The following USP32 variants were observed in gnomAD, a reference collection of about 807,000 sequenced individuals.
The protein encoded by USP32 is ubiquitin specific peptidase 32.
A neutral mutation model predicts 204.8 loss-of-function variants in USP32; 59 were observed. The ratio of observed to expected loss-of-function variants is 0.29; its 90% CI spans 0.23 to 0.36. USP32 has a LOEUF of 0.36. Ranked by LOEUF, USP32 falls within the 10% of genes least tolerant of loss-of-function variation. The pLI is 1.00. For missense variants in USP32, 1,160 were observed against 1,946.4 expected (o/e 0.60, Z 7.60); for synonymous variants, 517 against 678.4 (o/e 0.76, Z 3.70).
At chr17:60,323,684 C>G (rs2088165260) in intron 2 of USP32, among the ~76,000 whole-genome samples, 1 of 152,144 alleles carries the variant, frequency 6.6e-6, no homozygotes, top group Non-Finnish European at 1.5e-5. Context: ...GTGTATGTAA[C>G]AAAGTTGGTT....
chr17:60,404,166 T>A (rs1003153568), intron 1 of USP32, among the ~76,000 whole-genome samples: 1 of 152,178 alleles, frequency 6.6e-6, no homozygotes, highest in Non-Finnish European at 1.5e-5. Flanking sequence ...AATGATGGAA[T>A]GTAGCAGAAG....
chr17:60,275,183 G>A (rs368391857), intron 5 of USP32, among the ~76,000 whole-genome samples: 5 of 152,150 alleles, frequency 3.3e-5, no homozygotes, highest in Non-Finnish European at 7.4e-5. Flanking sequence ...TTGGCCGGGC[G>A]CGGTGGCTCA....
upstream of USP32, among the ~76,000 whole-genome samples, chr17:60,395,869 T>G (rs1301866817): frequency 6.6e-6 from 1 of 152,074 alleles, no homozygotes; most frequent in Admixed American, 6.6e-5. Context: ...CAAAGAACCT[T>G]AGGTAAGCTA....
In USP32 at chr17:60,213,567, C is replaced by T. The variant is rs1408495954; in HGVS notation, c.2104+14G>A. The T allele has an allele frequency of 2.6e-6, 3 of 1,145,428 alleles. No individual in the cohort carries two copies. Among genetic ancestry groups the T allele is most frequent in the South Asian group, 1.6e-5 (1 of 62,360 alleles). 71.0% of individuals were successfully genotyped at this position (1,145,428 alleles called of 1,614,324 possible). ...CTTGAAAATTTAATATAGATGCATGCTTCCATCTTGTACCTTCAATTACCA... is the reference window on the plus strand; with the variant it reads ...CTTGAAAATTTAATATAGATGCATGTTTCCATCTTGTACCTTCAATTACCA... On this transcript the variant is annotated intron_variant, in intron 18 of 33. Coordinates refer to ENST00000300896, the MANE Select transcript of USP32 (RefSeq NM_032582.4).
intron 8 of USP32, 116 bp from the exon 9 acceptor site, chr17:60,265,590 G>A: frequency 1.5e-6 from 1 of 677,976 alleles, no homozygotes; most frequent in Non-Finnish European, 2.5e-6. Context: ...TAGAGATGGG[G>A]TCTCCTTACG....
Position 60,253,172 on chromosome 17 carries a change from CAA to C in USP32, c.1075-732_1075-731del, listed in dbSNP as rs367932403. Among the ~76,000 whole-genome samples the C allele has an allele frequency of 1.3e-3, 200 of 152,112 alleles. 1 individual carries two copies. The highest frequency in any genetic ancestry group is 4.5e-3 in the African/African-American group (187 of 41,520). On this transcript the variant is annotated intron_variant, in intron 10 of 33. Coordinates refer to ENST00000300896, the MANE Select transcript of USP32 (RefSeq NM_032582.4). The stretch of plus-strand genomic sequence containing the variant: ...AATGACAAAATAGGAAAGGCAATAC[CAA>C]AAGTCAAAATGCTATACTCTGTGAG...
intron 6 of USP32, among the ~76,000 whole-genome samples, chr17:60,270,354 A>G (rs565055658): frequency 2.2e-4 from 33 of 152,310 alleles, no homozygotes; most frequent in Admixed American, 2.2e-3. Flanking sequence ...TATTCCCAGA[A>G]TCTAACGCAG....
intron 1 of USP32, among the ~76,000 whole-genome samples, chr17:60,375,501 A>G (rs181491206): frequency 6.6e-6 from 1 of 152,360 alleles, no homozygotes; most frequent in East Asian, 1.9e-4. Context: ...AATTTTCACT[A>G]TAAAACCAAA....
intron 7 of USP32, among the ~76,000 whole-genome samples, chr17:60,267,326 C>T (rs907033144): frequency 1.3e-5 from 2 of 151,862 alleles, no homozygotes; most frequent in African/African-American, 4.8e-5. Flanking sequence ...ATTGCTTGAA[C>T]CCGGGAGGCG....
chr17:60,215,603 T>C (rs2145533566), intron 16 of USP32, among the ~76,000 whole-genome samples: 1 of 152,072 alleles, frequency 6.6e-6, no homozygotes, highest in East Asian at 1.9e-4. Context: ...ACTAATCCCA[T>C]CACTTTCAGT....
chr17:60,241,550 C>T (rs554025085), intron 11 of USP32, among the ~76,000 whole-genome samples: 36 of 151,722 alleles, frequency 2.4e-4, no homozygotes, highest in Middle Eastern at 3.4e-3. Flanking sequence ...TTCAATGTTT[C>T]TGTGGAGAGA....
At chr17:60,392,726 G>C (rs781079370), upstream of USP32, 17 of 407,696 alleles carry the variant, frequency 4.2e-5, no homozygotes, top group Middle Eastern at 3.5e-4. Flanking sequence ...AGGCTTTCCT[G>C]TGACAAAAGA....
intron 1 of USP32, among the ~76,000 whole-genome samples, chr17:60,367,568 T>C (rs2089342556): frequency 6.6e-6 from 1 of 152,078 alleles, no homozygotes; most frequent in East Asian, 1.9e-4. Context: ...CCCAGCACTT[T>C]GGCAGGCTGA....
Position 60,199,619 on chromosome 17 carries a change from G to C in USP32, c.3250-1175C>G, listed in dbSNP as rs527679827. The stretch of plus-strand genomic sequence containing the variant: ...AGGGGTTAAGTTAGCTAGTTTCTAA[G>C]TAAAAAGACCCTTTATTCAGATTAT... On this transcript the variant is annotated intron_variant, in intron 26 of 33. Coordinates refer to ENST00000300896, the MANE Select transcript of USP32 (RefSeq NM_032582.4). Among the ~76,000 whole-genome samples the C allele has an allele frequency of 6.6e-5, 10 of 152,232 alleles. No homozygotes were observed. The South Asian group carries it at 2.1e-3, about 32-fold the overall frequency.
Position 60,181,745 on chromosome 17 carries a change from G to A in USP32, c.4127C>T (p.Ser1376Phe), listed in dbSNP as rs1482899703. ...SANIISSPKGSPSSSRKSGTS... is the reference protein window; with the variant it reads ...SANIISSPKGFPSSSRKSGTS... ...TCCACTTTTTCTTGATGAAGAAGGA[G>A]AACCTGTGAACAGGACAGAAGAAAA... Residue 1376 changes from serine to phenylalanine, a missense_variant, in exon 32 of 34, where the codon TCT becomes TTT. Ser to Phe is a radical substitution (Grantham distance 155, BLOSUM62 -2). Coordinates refer to ENST00000300896, the MANE Select transcript of USP32 (RefSeq NM_032582.4). 6.2e-7 allele frequency: 1 copy of A among 1,606,364 alleles called. No individual in the cohort carries two copies.
chr17:60,355,971 T>C (rs375913865), intron 1 of USP32, among the ~76,000 whole-genome samples: 47 of 139,562 alleles, frequency 3.4e-4, no homozygotes, highest in African/African-American at 1.1e-3. Context: ...AGCTATGCAA[T>C]AGCTTTGAAA....
At chr17:60,329,277 T>TG (rs1483269183) in intron 2 of USP32, among the ~76,000 whole-genome samples, 2 of 130,486 alleles carry the variant, frequency 1.5e-5, no homozygotes, top group African/African-American at 8.9e-5. Context: ...TGTGTGTGTG[T>TG]GTTTTTTTTT....
At chr17:60,241,679 GA>G (rs2145662912) in intron 11 of USP32, among the ~76,000 whole-genome samples, 1 of 152,258 alleles carries the variant, frequency 6.6e-6, no homozygotes, top group South Asian at 2.1e-4. Context: ...GTATGGTTAA[GA>G]GTCTATTCAA....
At chr17:60,379,443 G>T (rs2089609377) in intron 1 of USP32, among the ~76,000 whole-genome samples, 1 of 152,082 alleles carries the variant, frequency 6.6e-6, no homozygotes, top group African/African-American at 2.4e-5. Context: ...AACAGAAAAA[G>T]TCTACCCTTT....
Sources: allele counts gnomAD v4.1 joint callset (sites outside exome capture counted in the v4.1 genomes callset), GRCh38; gene constraint gnomAD v4.1.1; transcripts MANE v1.5; gene names NCBI Gene and HGNC (gene_info 2026-07-23, HGNC 2026-07-21).